Variants in FKBP7 observed in about 807,000 individuals in gnomAD.
The protein encoded by FKBP7 is FKBP prolyl isomerase 7.
FKBP7 carries 24 observed loss-of-function variants against 24.3 expected under a neutral mutation model. The observed-to-expected ratio is 0.99, with a 90% CI of 0.72 to 1.39. FKBP7 has a LOEUF of 1.39. Ranked by LOEUF, FKBP7 falls within the 40% of genes most tolerant of loss-of-function variation. The probability of loss-of-function intolerance (pLI) is 0.00; values close to 1 mark genes in which losing one functional copy is unlikely to be tolerated. For synonymous variants in FKBP7, 98 were observed against 92.8 expected, an observed-to-expected ratio of 1.06 and a Z score of -0.32; for missense variants, 257 against 269.5, an observed-to-expected ratio of 0.95 and a Z score of 0.33.
rs757501832 is a variant in FKBP7, at chr2:178,478,266, C to T, written c.221+13G>A. ...TGCAACTGGACGCACGGGCAGCTCG[C>T]AGCATTTCCTACCTGCAGTAGAATT... On this transcript the variant is annotated intron_variant, in intron 1 of 3. Coordinates refer to ENST00000424785, the MANE Select transcript of FKBP7 (RefSeq NM_181342.3). 12 of 1,613,530 alleles carry T rather than the reference C, an allele frequency of 7.4e-6. No homozygotes were observed. The highest frequency in any genetic ancestry group is 3.3e-5 in the South Asian group (3 of 91,050).
intron 3 of FKBP7, among the ~76,000 whole-genome samples, chr2:178,467,312 C>T (rs552507016): frequency 3.0e-4 from 46 of 152,204 alleles, no homozygotes; most frequent in Non-Finnish European, 5.4e-4. Context: ...CCGTCCTTTC[C>T]GTCTTTATTA....
chr2:178,472,024 C>T (rs555863505), intron 2 of FKBP7, among the ~76,000 whole-genome samples: 42 of 151,734 alleles, frequency 2.8e-4, no homozygotes, highest in Non-Finnish European at 4.9e-4. Context: ...TTATTGTCTC[C>T]TGACAATAAT....
chr2:178,478,473 G>T lies in FKBP7; in HGVS notation c.27C>A (p.Phe9Leu). The T allele has an allele frequency of 3.1e-6, 5 of 1,614,148 alleles. No homozygotes were observed. The highest frequency in any genetic ancestry group is 4.2e-6 in the Non-Finnish European group (5 of 1,180,036). MPKTMHFL[F>L]RFIVFFYLWG... ...ACAGATAAAAGAAAACAATGAATCTGAATAAGAAATGCATGGTTTTTGGCA... is the reference window on the plus strand; with the variant it reads ...ACAGATAAAAGAAAACAATGAATCTTAATAAGAAATGCATGGTTTTTGGCA... Residue 9 changes from phenylalanine to leucine, a missense_variant, in exon 1 of 4, where the codon TTC (phenylalanine) becomes TTA (leucine). Phe to Leu is a conservative substitution (Grantham distance 22). Transcript: ENST00000424785.
At position 178,465,649 on chromosome 2, in the gene FKBP7, G is replaced by A; in HGVS notation, c.*121C>T. ...TTATTATACCAAAATCAATGTATTG[G>A]GGAGATCAAAATATCTTCTCATAGG... On this transcript the variant is annotated 3_prime_UTR_variant, in exon 4 of 4. Transcript: ENST00000424785. 1.1e-6 allele frequency: 1 copy of A among 901,680 alleles called. No individual in the cohort carries two copies. The allele number at this position is 901,680 out of a possible 1,614,324, so 55.9% of individuals were successfully genotyped here. A position where few individuals can be genotyped will look rare whatever the true frequency, so the allele number is the denominator to read the frequency against.
intron 3 of FKBP7, chr2:178,467,699 T>C (rs975686568): frequency 6.6e-6 from 1 of 152,304 alleles, no homozygotes; most frequent in Middle Eastern, 3.4e-3. Flanking sequence ...TCTGGGGAAA[T>C]TGTAGATAAG....
chr2:178,468,920 G>A (rs1575132149), intron 3 of FKBP7, among the ~76,000 whole-genome samples: 1 of 150,484 alleles, frequency 6.6e-6, no homozygotes, highest in Non-Finnish European at 1.5e-5. Flanking sequence ...AGGCTGGAGT[G>A]CAGTGGCATG....
chr2:178,469,626 A>G, intron 3 of FKBP7, 26 bp downstream of exon 3: 1 of 1,612,556 alleles, frequency 6.2e-7, no homozygotes, highest in Non-Finnish European at 8.5e-7. Flanking sequence ...AAATTAGACT[A>G]TACACATGAA....
At chr2:178,472,901 G>GT (rs202059949) in intron 2 of FKBP7, 17,843 of 176,808 alleles carry the variant, frequency 0.1, 491 homozygotes, top group Admixed American at 0.16. Flanking sequence ...TCTTTTTCTT[G>GT]TTTTTTTTTT....
At chr2:178,476,223 C>A (rs1045220650) in intron 2 of FKBP7, among the ~76,000 whole-genome samples, 5 of 152,156 alleles carry the variant, frequency 3.3e-5, no homozygotes, top group African/African-American at 1.2e-4. Context: ...TATATTCAAA[C>A]AATGTCATAT....
At chr2:178,475,392 G>A (rs1684971524) in intron 2 of FKBP7, among the ~76,000 whole-genome samples, 1 of 152,072 alleles carries the variant, frequency 6.6e-6, no homozygotes, top group Non-Finnish European at 1.5e-5. Context: ...ACCACACCCA[G>A]CTAATTTTTG....
intron 2 of FKBP7, among the ~76,000 whole-genome samples, chr2:178,471,227 T>A (rs1684840645): frequency 6.6e-6 from 1 of 151,402 alleles, no homozygotes; most frequent in South Asian, 2.1e-4. Flanking sequence ...TTTTTTTTTT[T>A]AGACAAGAAT....
chr2:178,473,753 C>G (rs898345254), intron 2 of FKBP7, among the ~76,000 whole-genome samples: 1 of 152,202 alleles, frequency 6.6e-6, no homozygotes, highest in Non-Finnish European at 1.5e-5. Context: ...AACTCTGCCT[C>G]CAACATTTTG....
At chr2:178,473,033 T>C in intron 2 of FKBP7, 1 of 1,279,366 alleles carries the variant, frequency 7.8e-7, no homozygotes, top group Non-Finnish European at 1.0e-6. Flanking sequence ...ACATACCGCA[T>C]GTATTGTTAT....
At chr2:178,471,147 G>T (rs1684839041) in intron 2 of FKBP7, among the ~76,000 whole-genome samples, 1 of 151,764 alleles carries the variant, frequency 6.6e-6, no homozygotes, top group African/African-American at 2.4e-5. Context: ...TTACAGATGT[G>T]AGCCACTGTG....
rs758248242 is a variant in FKBP7 at position 178,478,279 on chromosome 2, C to T, written c.221G>A (p.Ser74Asn). The change falls in exon 1 of 4, where the codon AGC becomes AAC. Residue 74 changes from serine (S) to asparagine (N), a missense_variant and splice_region_variant. Physicochemically the swap from Ser to Asn is conservative, Grantham distance 46. Transcript: ENST00000424785. Reference protein sequence around the residue: ...LAKDGSKFYCSRTQNEGHPKW... With the variant: ...LAKDGSKFYCNRTQNEGHPKW... Reference sequence around the variant, plus strand: ...ACGGGCAGCTCGCAGCATTTCCTACCTGCAGTAGAATTTCGAGCCGTCTTT... The same window carrying T: ...ACGGGCAGCTCGCAGCATTTCCTACTTGCAGTAGAATTTCGAGCCGTCTTT... The T allele has an allele frequency of 5.0e-6, 8 of 1,613,848 alleles. No individual in the cohort carries two copies. The African/African-American group carries it at 9.3e-5, about 19-fold the overall frequency.
At chr2:178,476,455 T>G (rs1403918392) in intron 2 of FKBP7, among the ~76,000 whole-genome samples, 1 of 152,198 alleles carries the variant, frequency 6.6e-6, no homozygotes, top group Non-Finnish European at 1.5e-5. Context: ...TCCAGAACTC[T>G]TCATCTGGCA....
chr2:178,472,289 G>A (rs1684868017), intron 2 of FKBP7, among the ~76,000 whole-genome samples: 1 of 151,744 alleles, frequency 6.6e-6, no homozygotes, highest in Admixed American at 6.6e-5. Context: ...TGGCCAGGCT[G>A]GTCTTGAACT....
rs1684618645 is a variant in FKBP7, at chr2:178,465,130, T to C, written c.*640A>G. On this transcript the variant is annotated 3_prime_UTR_variant, in exon 4 of 4. Transcript: ENST00000424785. Reference sequence around the variant, plus strand: ...TATGCTTGCTATAAGAGGCAAAAAGTCTTTGGTTTGGTCAAATATTTTTAA... The same window carrying C: ...TATGCTTGCTATAAGAGGCAAAAAGCCTTTGGTTTGGTCAAATATTTTTAA... 1 of 152,112 alleles carries C rather than the reference T, an allele frequency of 6.6e-6. No homozygotes were observed. Among genetic ancestry groups the C allele is most frequent in the Non-Finnish European group, 1.5e-5 (1 of 68,026 alleles). The allele number at this position is 152,112 out of a possible 1,614,324, so 9.4% of individuals were successfully genotyped here. A position where few individuals can be genotyped will look rare whatever the true frequency, so the allele number is the denominator to read the frequency against.
intron 1 of FKBP7, 39 bp from the exon 2 acceptor site, chr2:178,477,252 GA>G: frequency 6.3e-7 from 1 of 1,592,830 alleles, no homozygotes; most frequent in East Asian, 2.3e-5. Flanking sequence ...CTGATTTCAA[GA>G]AATCAAACTT....
Sources: gnomAD v4.1 joint callset for allele counts (sites outside exome capture counted in the v4.1 genomes callset) on GRCh38, gnomAD v4.1.1 for gene constraint, MANE v1.5 for transcripts, NCBI Gene and HGNC (gene_info 2026-07-23, HGNC 2026-07-21) for gene names.